CHN1: variants seen among roughly 807,000 people sequenced by gnomAD.
CHN1 encodes N-chimaerin.
A neutral mutation model predicts 59.5 loss-of-function variants in CHN1; 37 were observed. That is an observed-to-expected ratio of 0.62 (90% CI 0.48 to 0.82). The LOEUF is 0.82. Ranked by LOEUF, CHN1 falls within the 40% of genes least tolerant of loss-of-function variation. The pLI, the probability that CHN1 is intolerant of heterozygous loss-of-function variation, is 0.00. For synonymous variants in CHN1, 206 were observed against 200.4 expected, an observed-to-expected ratio of 1.03 and a Z score of -0.24; for missense variants, 469 against 571.0, an observed-to-expected ratio of 0.82 and a Z score of 1.82.
chr2:174,861,261 T>C (rs1687060262), intron 6 of CHN1, among the ~76,000 whole-genome samples: 1 of 152,164 alleles, frequency 6.6e-6, no homozygotes, highest in Non-Finnish European at 1.5e-5. Context: ...GTATGGAATA[T>C]ACATAAGGCA....
In CHN1 at chr2:174,940,175, G is replaced by A. The variant is rs541971468; in HGVS notation, c.114+4713C>T. 9.9e-5 allele frequency among the ~76,000 whole-genome samples: 15 copies of A among 152,104 alleles called. No homozygotes were observed. The South Asian group carries it at 3.1e-3, about 32-fold the overall frequency. On this transcript the variant is annotated intron_variant, in intron 3 of 12. Coordinates refer to ENST00000409900, the MANE Select transcript of CHN1 (RefSeq NM_001822.7). Reference sequence around the variant, plus strand: ...CTCCTGAGTAGCTGGGACTAAAGGCGCATGCCACCATGGCTGGCTAATTTT... The same window carrying A: ...CTCCTGAGTAGCTGGGACTAAAGGCACATGCCACCATGGCTGGCTAATTTT...
At chr2:174,973,292 C>T (rs78454869) in intron 1 of CHN1, among the ~76,000 whole-genome samples, 3,339 of 152,220 alleles carry the variant, frequency 0.022, 123 homozygotes, top group African/African-American at 0.076. Flanking sequence ...AAACAGAAAA[C>T]ATACATAATA....
chr2:175,004,060 C>T (rs1312722226), intron 1 of CHN1, among the ~76,000 whole-genome samples: 1 of 151,996 alleles, frequency 6.6e-6, no homozygotes, highest in Non-Finnish European at 1.5e-5. Context: ...TACTTTGCTT[C>T]TTCAAAAAAG....
chr2:174,915,404 C>A, intron 4 of CHN1: 2 of 402,440 alleles, frequency 5.0e-6, no homozygotes, highest in Non-Finnish European at 4.5e-6. Context: ...ATCCAGTTAA[C>A]AACCATGGAA....
intron 1 of CHN1, among the ~76,000 whole-genome samples, chr2:174,964,013 T>C (rs1269563578): frequency 6.6e-6 from 1 of 152,236 alleles, no homozygotes; most frequent in Non-Finnish European, 1.5e-5. Flanking sequence ...AGTTAATTCG[T>C]ATGTACAGTA....
At chr2:174,800,386 C>T (rs1684681934) in intron 12 of CHN1, 99 bp from the exon 13 acceptor site, 10 of 940,780 alleles carry the variant, frequency 1.1e-5, no homozygotes, top group Non-Finnish European at 1.0e-5. Context: ...TAAAAGTTTG[C>T]GTCCGCTTAT....
intron 1 of CHN1, among the ~76,000 whole-genome samples, chr2:174,961,678 T>C (rs1690415327): frequency 6.6e-6 from 1 of 151,854 alleles, no homozygotes; most frequent in Non-Finnish European, 1.5e-5. Flanking sequence ...TTATGAAAAA[T>C]AACCATATTT....
chr2:174,969,040 A>C (rs1690675796), intron 1 of CHN1, among the ~76,000 whole-genome samples: 1 of 152,220 alleles, frequency 6.6e-6, no homozygotes. Flanking sequence ...TGAATGTTAT[A>C]AAATATACTA....
intron 5 of CHN1, among the ~76,000 whole-genome samples, chr2:174,904,961 T>C (rs1483879693): frequency 1.3e-5 from 2 of 152,178 alleles, no homozygotes; most frequent in Admixed American, 6.6e-5. Context: ...ATCAATCTCA[T>C]GCATTTACCT....
chr2:175,000,525 C>T (rs1167341178), intron 1 of CHN1, among the ~76,000 whole-genome samples: 1 of 151,952 alleles, frequency 6.6e-6, no homozygotes, highest in Non-Finnish European at 1.5e-5. Context: ...CTCACTGTAA[C>T]CTCTACCTCC....
At chr2:174,883,065 T>C (rs1687782278) in intron 5 of CHN1, among the ~76,000 whole-genome samples, 1 of 152,240 alleles carries the variant, frequency 6.6e-6, no homozygotes. Flanking sequence ...TAAATCATTT[T>C]CAGTGAAGAA....
At position 174,812,301 on chromosome 2, in the gene CHN1, T is replaced by C. The variant is rs779754916; in HGVS notation, c.886+8A>G. On this transcript the variant is annotated splice_region_variant and intron_variant, in intron 9 of 12. Transcript: ENST00000409900. ...AGACCACTGCAACCCGCACTGCAAA[T>C]GGCTCACCTCTAGACTCAATCTCCC... The C allele has an allele frequency of 1.9e-6, 3 of 1,603,878 alleles. No homozygotes were observed. The highest frequency in any genetic ancestry group is 3.4e-5 in the Admixed American group (2 of 59,624).
chr2:174,964,029 T>A (rs963318176), intron 1 of CHN1, among the ~76,000 whole-genome samples: 1 of 152,222 alleles, frequency 6.6e-6, no homozygotes, highest in Non-Finnish European at 1.5e-5. Flanking sequence ...CAGTACAACC[T>A]TGTCAGAGAA....
At chr2:174,866,747 T>A (rs1687228367) in intron 6 of CHN1, among the ~76,000 whole-genome samples, 1 of 152,222 alleles carries the variant, frequency 6.6e-6, no homozygotes, top group Admixed American at 6.5e-5. Flanking sequence ...GTAGACAAGC[T>A]TGACTATGAT....
chr2:174,865,385 G>A (rs780735494), intron 6 of CHN1, among the ~76,000 whole-genome samples: 3 of 152,114 alleles, frequency 2.0e-5, no homozygotes, highest in Non-Finnish European at 4.4e-5. Flanking sequence ...GGCATTGTGT[G>A]GAAGGGTCTG....
chr2:174,835,240 G>A (rs888478234), intron 7 of CHN1, among the ~76,000 whole-genome samples: 10 of 152,104 alleles, frequency 6.6e-5, no homozygotes, highest in Non-Finnish European at 1.3e-4. Context: ...GTAAGCCAGG[G>A]GCCTTCGGTA....
chr2:174,946,254 G>A (rs1574198124), intron 2 of CHN1, among the ~76,000 whole-genome samples: 2 of 152,190 alleles, frequency 1.3e-5, no homozygotes, highest in Non-Finnish European at 1.5e-5. Flanking sequence ...GCTCAATGAA[G>A]ACTACTTATT....
At chr2:174,856,832 G>C (rs1686913868) in intron 6 of CHN1, among the ~76,000 whole-genome samples, 1 of 152,162 alleles carries the variant, frequency 6.6e-6, no homozygotes, top group Non-Finnish European at 1.5e-5. Context: ...TGAAAGATTT[G>C]GGGATGTTTA....
At chr2:174,847,659 A>G in intron 6 of CHN1, 1 of 1,321,698 alleles carries the variant, frequency 7.6e-7, no homozygotes, top group Non-Finnish European at 1.0e-6. Flanking sequence ...CCACCGTAAG[A>G]AAGGAGATAA....
Sources: gnomAD v4.1 joint callset for allele counts (sites outside exome capture counted in the v4.1 genomes callset) on GRCh38, gnomAD v4.1.1 for gene constraint, MANE v1.5 for transcripts, NCBI Gene and HGNC (gene_info 2026-07-23, HGNC 2026-07-21) for gene names.